SNTG2: variants seen among roughly 807,000 people sequenced by gnomAD.
SNTG2 encodes the protein syntrophin gamma 2, also known as gamma-2-syntrophin.
SNTG2 carries 74 observed loss-of-function variants against 70.9 expected under a neutral mutation model. That is an observed-to-expected ratio of 1.04 (90% CI 0.86 to 1.27). SNTG2 has a LOEUF of 1.27. Ranked by LOEUF, SNTG2 falls within the 50% of genes most tolerant of loss-of-function variation. The pLI, the probability that SNTG2 is intolerant of heterozygous loss-of-function variation, is 0.00. For synonymous variants in SNTG2, 278 were observed against 273.8 expected (o/e 1.02, Z -0.15); for missense variants, 717 against 690.7 (o/e 1.04, Z -0.43).
intron 9 of SNTG2, among the ~76,000 whole-genome samples, chr2:1,236,523 C>A (rs543133048): frequency 6.6e-6 from 1 of 152,242 alleles, no homozygotes; most frequent in Admixed American, 6.5e-5. Context: ...CACCTCTGTC[C>A]TCCTGCCAAG....
chr2:1,090,860 G>C (rs886149892), intron 2 of SNTG2, among the ~76,000 whole-genome samples: 1 of 152,194 alleles, frequency 6.6e-6, no homozygotes, highest in Non-Finnish European at 1.5e-5. Flanking sequence ...CTTGAAGTGT[G>C]CATGCTTGAG....
intron 1 of SNTG2, among the ~76,000 whole-genome samples, chr2:991,407 A>ACACT (rs1553305482): frequency 7.9e-5 from 12 of 151,122 alleles, no homozygotes; most frequent in Non-Finnish European, 1.6e-4. Context: ...ACACACACAC[A>ACACT]ATTATGACTT....
intron 8 of SNTG2, among the ~76,000 whole-genome samples, chr2:1,203,226 T>C (rs1457897116): frequency 1.3e-5 from 2 of 152,170 alleles, no homozygotes. Context: ...CTGCAACTGG[T>C]GAATTCTTTC....
chr2:1,206,278 T>C (rs901220698), intron 8 of SNTG2, among the ~76,000 whole-genome samples: 4 of 152,190 alleles, frequency 2.6e-5, no homozygotes, highest in African/African-American at 7.2e-5. Context: ...TGGAGATGCC[T>C]GTGTGGAAGG....
chr2:1,000,964 A>G (rs971273134), intron 1 of SNTG2, among the ~76,000 whole-genome samples: 2 of 152,036 alleles, frequency 1.3e-5, no homozygotes, highest in East Asian at 3.8e-4. Context: ...CAATGAAGGT[A>G]TATGCAAATC....
chr2:1,087,806 A>G (rs535371661), intron 2 of SNTG2, among the ~76,000 whole-genome samples: 2 of 152,338 alleles, frequency 1.3e-5, no homozygotes, highest in African/African-American at 4.8e-5. Context: ...ATAACAACCA[A>G]CGTGAAGGAA....
intron 1 of SNTG2, among the ~76,000 whole-genome samples, chr2:995,851 C>G (rs1661662922): frequency 6.6e-6 from 1 of 152,104 alleles, no homozygotes; most frequent in Non-Finnish European, 1.5e-5. Context: ...AGCACAACTT[C>G]CCCATAGTAT....
chr2:1,086,944 A>G (rs1268565281), intron 2 of SNTG2, among the ~76,000 whole-genome samples: 2 of 152,220 alleles, frequency 1.3e-5, no homozygotes, highest in East Asian at 1.9e-4. Context: ...AGCATGAAGT[A>G]TAAACAGAGC....
In SNTG2 at chr2:1,179,009, A is replaced by G. The variant is rs545340492; in HGVS notation, c.591+5826A>G. ...TGTTATTGGTCTATTCAGAGATTCA[A>G]CTTCTTCCTGGTTTAGTCTTGGGAG... On this transcript the variant is annotated intron_variant, in intron 8 of 16. Transcript: ENST00000308624. 2.5e-4 allele frequency among the ~76,000 whole-genome samples: 38 copies of G among 152,126 alleles called. No individual in the cohort carries two copies. In the East Asian group the frequency reaches 7.0e-3, roughly 28 times the overall value.
chr2:1,109,727 G>C (rs1666314991), intron 4 of SNTG2, among the ~76,000 whole-genome samples: 1 of 152,048 alleles, frequency 6.6e-6, no homozygotes, highest in African/African-American at 2.4e-5. Flanking sequence ...TAAATTAATG[G>C]TAATAAATAA....
intron 4 of SNTG2, among the ~76,000 whole-genome samples, chr2:1,125,063 A>G (rs1667617481): frequency 1.3e-5 from 2 of 152,154 alleles, no homozygotes; most frequent in Admixed American, 1.3e-4. Context: ...TGCCTTAGAC[A>G]TACTGTTATT....
intron 1 of SNTG2, among the ~76,000 whole-genome samples, chr2:1,063,133 A>G (rs1429649156): frequency 1.3e-5 from 2 of 152,240 alleles, no homozygotes; most frequent in Non-Finnish European, 2.9e-5. Flanking sequence ...CTCTCAGATC[A>G]TAGTTCTTTA....
chr2:1,006,593 G>A (rs1659579283), intron 1 of SNTG2, among the ~76,000 whole-genome samples: 1 of 152,102 alleles, frequency 6.6e-6, no homozygotes, highest in African/African-American at 2.4e-5. Flanking sequence ...AACTGTGGAT[G>A]GAATGCATTT....
intron 1 of SNTG2, among the ~76,000 whole-genome samples, chr2:1,005,037 A>G (rs1659523715): frequency 6.6e-6 from 1 of 152,232 alleles, no homozygotes; most frequent in Non-Finnish European, 1.5e-5. Flanking sequence ...CCACAAAAAA[A>G]TGGAGGAAAT....
intron 1 of SNTG2, among the ~76,000 whole-genome samples, chr2:1,016,489 C>T (rs191067167): frequency 1.9e-4 from 29 of 152,326 alleles, no homozygotes; most frequent in Admixed American, 8.5e-4. Flanking sequence ...GATCCGCCCG[C>T]CTCAGCCTCC....
intron 9 of SNTG2, among the ~76,000 whole-genome samples, chr2:1,234,017 G>C (rs1469384147): frequency 3.3e-5 from 5 of 152,152 alleles, no homozygotes; most frequent in Non-Finnish European, 7.4e-5. Flanking sequence ...AGCAGCAGAT[G>C]CTCTGTGAAT....
chr2:1,019,840 G>A (rs1660060314), intron 1 of SNTG2, among the ~76,000 whole-genome samples: 3 of 152,048 alleles, frequency 2.0e-5, no homozygotes, highest in African/African-American at 4.8e-5. Context: ...CCTGAGGTCA[G>A]GAGACTAGTG....
chr2:1,329,032 CTT>C (rs1681879164), intron 16 of SNTG2, among the ~76,000 whole-genome samples: 1 of 152,158 alleles, frequency 6.6e-6, no homozygotes, highest in Non-Finnish European at 1.5e-5. Flanking sequence ...ACTACAGACT[CTT>C]AAAAAATCCT....
chr2:1,069,801 A>T (rs1663405101), intron 1 of SNTG2, among the ~76,000 whole-genome samples: 1 of 152,102 alleles, frequency 6.6e-6, no homozygotes, highest in Non-Finnish European at 1.5e-5. Flanking sequence ...AAAAAAATAA[A>T]TAAATACAAA....
Sources: gnomAD v4.1 joint callset for allele counts (sites outside exome capture counted in the v4.1 genomes callset) on GRCh38, gnomAD v4.1.1 for gene constraint, MANE v1.5 for transcripts, NCBI Gene and HGNC (gene_info 2026-07-23, HGNC 2026-07-21) for gene names.